WEE1: variants seen among roughly 807,000 people sequenced by gnomAD.
The protein encoded by WEE1 is WEE1 G2 checkpoint kinase.
A neutral mutation model predicts 68.8 loss-of-function variants in WEE1; 16 were observed. That is an observed-to-expected ratio of 0.23 (90% confidence interval 0.16 to 0.35). The LOEUF is 0.35. Among genes scored for constraint, WEE1 ranks in the 10% least tolerant of loss-of-function variants. The pLI is 1.00. For missense variants in WEE1, 651 were observed against 824.1 expected (o/e 0.79, Z 2.57); for synonymous variants, 349 against 318.7 (o/e 1.09, Z -1.01).
rs956596936 is a variant in WEE1, at chr11:9,574,184, G to T, written c.251G>T (p.Gly84Val). The T allele has an allele frequency of 3.2e-5, 38 of 1,176,220 alleles. No homozygotes were observed. Among genetic ancestry groups the T allele is most frequent in the Non-Finnish European group, 3.9e-5 (37 of 953,204 alleles). 72.9% of individuals were successfully genotyped at this position (1,176,220 alleles called of 1,614,324 possible). Reference protein sequence around the residue: ...ERRRSPGPAPGSPGELEEDLL... With the variant: ...ERRRSPGPAPVSPGELEEDLL... ...CGCCGCTCGCCCGGGCCGGCCCCCG[G>T]CAGCCCCGGCGAGCTGGAGGAGGAC... The change falls in exon 1 of 11, where the codon GGC (glycine) becomes GTC (valine). Residue 84 changes from glycine to valine, a missense_variant. Physicochemically the swap from Gly to Val is moderately radical, Grantham distance 109. This residue lies in a region of WEE1 where 395 missense variants were observed against 378.4 expected (regional missense o/e 1.04). Coordinates refer to ENST00000450114, the MANE Select transcript of WEE1 (RefSeq NM_003390.4). This position sits in a 1 kb window ranked among gnomAD's most constrained non-coding sequence, Gnocchi z 4.9.
chr11:9,579,920 AC>A (rs577594911), intron 5 of WEE1: 85 of 152,296 alleles, frequency 5.6e-4, no homozygotes, highest in African/African-American at 2.0e-3. Flanking sequence ...TAATTTTAGT[AC>A]CCAGCTCTGA....
Position 9,574,930 on chromosome 11 carries a change from G to C in WEE1, c.576+421G>C, listed in dbSNP as rs568506471. ...TCGGGCCTGTAATTTGGGCGGCGCGGGCAGAAGGAGTTTAAAGAAAAATAA... is the reference window on the plus strand; with the variant it reads ...TCGGGCCTGTAATTTGGGCGGCGCGCGCAGAAGGAGTTTAAAGAAAAATAA... On this transcript the variant is annotated intron_variant, in intron 1 of 10. Coordinates refer to ENST00000450114, the MANE Select transcript of WEE1 (RefSeq NM_003390.4). The surrounding 1 kb of genome is among the most constrained non-coding windows in gnomAD (Gnocchi z 4.9). 3 of 985,866 alleles carry C rather than the reference G, an allele frequency of 3.0e-6. No individual in the cohort carries two copies. In the African/African-American group the frequency reaches 5.2e-5, roughly 17 times the overall value. 61.1% of individuals were successfully genotyped at this position (985,866 alleles called of 1,614,324 possible).
At chr11:9,588,411 TCCTAGGAATAATA>T in intron 10 of WEE1, 25 bp from the exon 11 acceptor site, 1 of 1,437,606 alleles carries the variant, frequency 7.0e-7, no homozygotes, top group Non-Finnish European at 9.3e-7. Context: ...TAGAATCTCT[TCCTAGGAATAATA>T]CCTTGTTTTC....
chr11:9,585,552 T>C (rs1849691307), intron 8 of WEE1, 25 bp downstream of exon 8: 1 of 1,542,596 alleles, frequency 6.5e-7, no homozygotes, highest in East Asian at 2.3e-5. Flanking sequence ...CCCTTAATCA[T>C]AGTTTGCTTT....
At position 9,589,742 on chromosome 11, in the gene WEE1, C is replaced by T; in HGVS notation, c.*1140C>T. On this transcript the variant is annotated 3_prime_UTR_variant, in exon 11 of 11. Transcript: ENST00000450114. ...ACATTGATTGGCATATTAAAAGTCA[C>T]TCTGAGCTTACCTTAATTGTCTAAA... 1 of 982,682 alleles carries T rather than the reference C, an allele frequency of 1.0e-6. No individual in the cohort carries two copies. The highest frequency in any genetic ancestry group is 1.2e-6 in the Non-Finnish European group (1 of 827,054). The allele number at this position is 982,682 out of a possible 1,614,324, so 60.9% of individuals were successfully genotyped here.
Position 9,589,229 on chromosome 11 carries a change from T to C in WEE1, c.*627T>C. On this transcript the variant is annotated 3_prime_UTR_variant, in exon 11 of 11. Transcript: ENST00000450114. ...TTAATAGGTCTTCTTTTTGAAACAATTATGTGAAATGTATAGCTGCTTTTG... is the reference window on the plus strand; with the variant it reads ...TTAATAGGTCTTCTTTTTGAAACAACTATGTGAAATGTATAGCTGCTTTTG... The C allele has an allele frequency of 1.0e-6, 1 of 985,710 alleles. No homozygotes were observed. The highest frequency in any genetic ancestry group is 1.2e-6 in the Non-Finnish European group (1 of 829,878). The allele number at this position is 985,710 out of a possible 1,614,324, so 61.1% of individuals were successfully genotyped here. A position where few individuals can be genotyped will look rare whatever the true frequency, so the allele number is the denominator to read the frequency against.
chr11:9,579,851 T>C, intron 5 of WEE1: 1 of 152,224 alleles, frequency 6.6e-6, no homozygotes, highest in Admixed American at 6.5e-5. Context: ...TGACGTTATG[T>C]TATTTTCTTA....
At position 9,574,883 on chromosome 11, in the gene WEE1, G is replaced by C. The variant is rs1189156917; in HGVS notation, c.576+374G>C. ...GGCCACCTGACACTCCCGAGCCATA[G>C]GATGCCTTTTAAACGCGGCGATCGG... On this transcript the variant is annotated intron_variant, in intron 1 of 10. Coordinates refer to ENST00000450114, the MANE Select transcript of WEE1 (RefSeq NM_003390.4). The surrounding 1 kb of genome is among the most constrained non-coding windows in gnomAD (Gnocchi z 4.9). 4 of 987,330 alleles carry C rather than the reference G, an allele frequency of 4.1e-6. No individual in the cohort carries two copies. The highest frequency in any genetic ancestry group is 4.8e-6 in the Non-Finnish European group (4 of 831,298). The allele number at this position is 987,330 out of a possible 1,614,324, so 61.2% of individuals were successfully genotyped here. A position where few individuals can be genotyped will look rare whatever the true frequency, so the allele number is the denominator to read the frequency against.
intron 5 of WEE1, 81 bp from the exon 6 acceptor site, chr11:9,581,451 G>T: frequency 7.5e-7 from 1 of 1,331,160 alleles, no homozygotes; most frequent in Non-Finnish European, 1.0e-6. Flanking sequence ...GAGATTGGTT[G>T]GTTGAGACTC....
Position 9,589,831 on chromosome 11 carries a change from G to A in WEE1, c.*1229G>A. 5 of 544,596 alleles carry A rather than the reference G, an allele frequency of 9.2e-6. No individual in the cohort carries two copies. Among genetic ancestry groups the A allele is most frequent in the Non-Finnish European group, 9.4e-6 (4 of 426,782 alleles). 33.7% of individuals were successfully genotyped at this position (544,596 alleles called of 1,614,324 possible). On this transcript the variant is annotated 3_prime_UTR_variant, in exon 11 of 11. Coordinates refer to ENST00000450114, the MANE Select transcript of WEE1 (RefSeq NM_003390.4). ...ATTGCTATACTATAAAATGTATAGT[G>A]TGTATAATGTACTATTATAAAAGCA...
chr11:9,584,816 C>T (rs1034341955), intron 6 of WEE1, among the ~76,000 whole-genome samples: 2 of 152,188 alleles, frequency 1.3e-5, no homozygotes, highest in African/African-American at 4.8e-5. Context: ...GTGGCTCATG[C>T]CTGTAATCCC....
chr11:9,585,134 T>G, intron 6 of WEE1, 124 bp from the exon 7 acceptor site: 1 of 762,886 alleles, frequency 1.3e-6, no homozygotes, highest in Non-Finnish European at 2.1e-6. Flanking sequence ...ATTCCATGGG[T>G]TTGGGCTAGA....
chr11:9,586,887 T>A, intron 10 of WEE1, 31 bp downstream of exon 10: 2 of 1,577,472 alleles, frequency 1.3e-6, no homozygotes, highest in Non-Finnish European at 1.7e-6. Flanking sequence ...TTCTTTTTGC[T>A]TTTTCATTCA....
At position 9,574,532 on chromosome 11, in the gene WEE1, C is replaced by T; in HGVS notation, c.576+23C>T. On this transcript the variant is annotated intron_variant, in intron 1 of 10. Coordinates refer to ENST00000450114, the MANE Select transcript of WEE1 (RefSeq NM_003390.4). The surrounding 1 kb of genome is among the most constrained non-coding windows in gnomAD (Gnocchi z 4.9). ...AAGGTGAGAGCGGCGGGCGCGGGCACCCGGCGGCCGGGGCCGCGGCGCCGG... is the reference window on the plus strand; with the variant it reads ...AAGGTGAGAGCGGCGGGCGCGGGCATCCGGCGGCCGGGGCCGCGGCGCCGG... The T allele has an allele frequency of 8.4e-7, 1 of 1,194,592 alleles. No homozygotes were observed. The highest frequency in any genetic ancestry group is 1.0e-6 in the Non-Finnish European group (1 of 969,804). The allele number at this position is 1,194,592 out of a possible 1,614,324, so 74.0% of individuals were successfully genotyped here.
In WEE1 at chr11:9,589,772, T is replaced by C; in HGVS notation, c.*1170T>C. On this transcript the variant is annotated 3_prime_UTR_variant, in exon 11 of 11. Transcript: ENST00000450114. ...AGCTTACCTTAATTGTCTAAATCCT[T>C]GTGATGCCTGTTTTCTAATATTTTA... The C allele has an allele frequency of 1.1e-6, 1 of 903,896 alleles. No homozygotes were observed. The highest frequency in any genetic ancestry group is 1.3e-6 in the Non-Finnish European group (1 of 755,480). The allele number at this position is 903,896 out of a possible 1,614,324, so 56.0% of individuals were successfully genotyped here. A position where few individuals can be genotyped will look rare whatever the true frequency, so the allele number is the denominator to read the frequency against.
At chr11:9,585,403 T>A in intron 7 of WEE1, 39 bp from the exon 8 acceptor site, 1 of 1,608,966 alleles carries the variant, frequency 6.2e-7, no homozygotes, top group Non-Finnish European at 8.5e-7. Flanking sequence ...AAGGCTGTTT[T>A]GTTTTTGCTC....
In WEE1 at chr11:9,574,191, C is replaced by A; in HGVS notation, c.258C>A (p.Pro86=). 1 of 1,175,442 alleles carries A rather than the reference C, an allele frequency of 8.5e-7. No homozygotes were observed. The highest frequency in any genetic ancestry group is 3.9e-5 in the East Asian group (1 of 25,712). The allele number at this position is 1,175,442 out of a possible 1,614,324, so 72.8% of individuals were successfully genotyped here. ...RRSPGPAPGS[P]GELEEDLLLP... ...CGCCCGGGCCGGCCCCCGGCAGCCC[C>A]GGCGAGCTGGAGGAGGACCTGTTGC... Residue 86 remains proline, a synonymous_variant, in exon 1 of 11, where the codon CCC becomes CCA. Transcript: ENST00000450114. This position sits in a 1 kb window ranked among gnomAD's most constrained non-coding sequence, Gnocchi z 4.9.
chr11:9,574,041 GGAAGAA>G lies in WEE1; in HGVS notation c.111_116del (p.Glu42_Glu43del), dbSNP rs773317278. 1 of 1,262,132 alleles carries G rather than the reference GGAAGAA, an allele frequency of 7.9e-7. No individual in the cohort carries two copies. Among genetic ancestry groups the G allele is most frequent in the Non-Finnish European group, 1.0e-6 (1 of 1,003,332 alleles). 78.2% of individuals were successfully genotyped at this position (1,262,132 alleles called of 1,614,324 possible). ...CGCCCTGCAGCGACTGTGAGGAGGA[GGAAGAA>G]GAGGAGGAGGAGGAGGGCAGCGGCC... On this transcript the variant is annotated inframe_deletion, in exon 1 of 11. Coordinates refer to ENST00000450114, the MANE Select transcript of WEE1 (RefSeq NM_003390.4). The surrounding 1 kb of genome is among the most constrained non-coding windows in gnomAD (Gnocchi z 4.9).
In WEE1 at chr11:9,588,511, G is replaced by A. The variant is rs201194150; in HGVS notation, c.1850G>A (p.Arg617Gln). The change falls in exon 11 of 11, where the codon CGG becomes CAG. Residue 617 changes from arginine (R) to glutamine (Q), a missense_variant. Coordinates refer to ENST00000450114, the MANE Select transcript of WEE1 (RefSeq NM_003390.4). ...GAGGAAAGAGCACTCTTCACTGACC[G>A]GATGGCCACTAGGTCCACCACCCAG... ...AAEERALFTD[R>Q]MATRSTTQSN... The A allele has an allele frequency of 2.4e-5, 38 of 1,612,300 alleles. No individual in the cohort carries two copies. The South Asian group carries it at 3.3e-4, about 14-fold the overall frequency.
Sources: allele counts gnomAD v4.1 joint callset (sites outside exome capture counted in the v4.1 genomes callset), GRCh38; gene constraint gnomAD v4.1.1; regional missense constraint gnomAD v4.1.1; non-coding constraint Gnocchi (gnomAD v3.1); transcripts MANE v1.5; gene names NCBI Gene and HGNC (gene_info 2026-07-23, HGNC 2026-07-21).